FBXO45: variants seen among roughly 807,000 people sequenced by gnomAD.
FBXO45 encodes the protein F-box protein 45.
Under a neutral mutation model 25.5 loss-of-function variants are expected in FBXO45, and 3 were observed. That is an observed-to-expected ratio of 0.12 (90% CI 0.05 to 0.30). The LOEUF (loss-of-function observed/expected upper bound fraction) is 0.30. Among genes scored for constraint, FBXO45 ranks in the 10% least tolerant of loss-of-function variants. The pLI, the probability that FBXO45 is intolerant of heterozygous loss-of-function variation, is 1.00. For missense variants in FBXO45, 219 were observed against 365.0 expected (o/e 0.60, Z 3.26); for synonymous variants, 155 against 149.8 (o/e 1.03, Z -0.25).
At position 196,577,794 on chromosome 3, in the gene FBXO45, C is replaced by T. The variant is rs573601854; in HGVS notation, c.660C>T (p.Asn220=). ...EVNGSFPQCN[N]APKYQIGERI... Reference sequence around the variant, plus strand: ...ATGGCAGTTTTCCACAGTGCAACAACGCACCAAAATATCAGGTGAGAAACT... The same window carrying T: ...ATGGCAGTTTTCCACAGTGCAACAATGCACCAAAATATCAGGTGAGAAACT... Residue 220 remains asparagine (N), a synonymous_variant, in exon 2 of 3, where the codon AAC becomes AAT. Transcript: ENST00000311630. 167 of 1,582,316 alleles carry T rather than the reference C, an allele frequency of 1.1e-4. 2 individuals are homozygous for T. The South Asian group carries it at 1.6e-3, about 15-fold the overall frequency.
At chr3:196,581,501 C>T (rs924600436) in intron 2 of FBXO45, among the ~76,000 whole-genome samples, 4 of 151,994 alleles carry the variant, frequency 2.6e-5, no homozygotes, top group African/African-American at 9.7e-5. Context: ...AGTGAAAGTA[C>T]TGGGATTACA....
At position 196,569,192 on chromosome 3, in the gene FBXO45, C is replaced by A. The variant is rs367785550; in HGVS notation, c.208C>A (p.Leu70Met). 3 of 1,567,390 alleles carry A rather than the reference C, an allele frequency of 1.9e-6. No homozygotes were observed. Among genetic ancestry groups the A allele is most frequent in the Non-Finnish European group, 2.6e-6 (3 of 1,156,780 alleles). ...ALVCKHWYRC[L>M]HGDENSEVWR... ...GGTGTGCAAGCACTGGTACCGCTGC[C>A]TGCACGGCGATGAGAACAGCGAGGT... Residue 70 changes from leucine to methionine, a missense_variant, in exon 1 of 3, where the codon CTG becomes ATG. Around this residue, in one of 4 missense-constraint regions of FBXO45, gnomAD observed 138 missense variants for 157.3 expected, o/e 0.88. Coordinates refer to ENST00000311630, the MANE Select transcript of FBXO45 (RefSeq NM_001105573.2). This position sits in a 1 kb window ranked among gnomAD's most constrained non-coding sequence, Gnocchi z 4.1.
At chr3:196,582,480 C>T (rs1736029345) in intron 2 of FBXO45, among the ~76,000 whole-genome samples, 1 of 152,082 alleles carries the variant, frequency 6.6e-6, no homozygotes, top group Non-Finnish European at 1.5e-5. Context: ...ACAGGAAATA[C>T]AGTGAAGGAA....
chr3:196,583,881 C>T lies in FBXO45; in HGVS notation c.676-252C>T, dbSNP rs188040782. Among the ~76,000 whole-genome samples the T allele has an allele frequency of 5.3e-3, 801 of 152,260 alleles. 5 individuals are homozygous for T. The highest frequency in any genetic ancestry group is 0.018 in the African/African-American group (763 of 41,546). On this transcript the variant is annotated intron_variant, in intron 2 of 2. Transcript: ENST00000311630. Reference sequence around the variant, plus strand: ...ATGTTGCCCAGGCTGGTCTTGAACTCCTGGGCTCAAGCAATCCGCCCGCCT... The same window carrying T: ...ATGTTGCCCAGGCTGGTCTTGAACTTCTGGGCTCAAGCAATCCGCCCGCCT...
chr3:196,578,043 A>ATATTTTTTTTTTT (rs1553874562), intron 2 of FBXO45, among the ~76,000 whole-genome samples: 2 of 25,190 alleles, frequency 7.9e-5, no homozygotes, highest in Admixed American at 4.5e-4. Context: ...GCAGAAAAAT[A>ATATTTTTTTTTTT]TTCTTTTTTT....
chr3:196,576,318 A>G (rs184962742), intron 1 of FBXO45, among the ~76,000 whole-genome samples: 109 of 152,320 alleles, frequency 7.2e-4, no homozygotes, highest in South Asian at 4.6e-3. Flanking sequence ...TTCTCAGGTT[A>G]GCTGAAGCAT....
intron 2 of FBXO45, among the ~76,000 whole-genome samples, chr3:196,580,570 C>T (rs561203392): frequency 1.3e-5 from 2 of 152,288 alleles, no homozygotes; most frequent in South Asian, 2.1e-4. Flanking sequence ...AGTGATCCAC[C>T]TGCCTTGGCC....
intron 1 of FBXO45, among the ~76,000 whole-genome samples, chr3:196,571,448 ACTC>A (rs1189488361): frequency 2.0e-5 from 3 of 151,482 alleles, no homozygotes; most frequent in Admixed American, 6.6e-5. Flanking sequence ...CTGGTCTCAA[ACTC>A]CTGGACTCAA....
At chr3:196,570,041 C>T (rs1735767814) in intron 1 of FBXO45, among the ~76,000 whole-genome samples, 1 of 152,054 alleles carries the variant, frequency 6.6e-6, no homozygotes, top group African/African-American at 2.4e-5. Context: ...CATATTCCGC[C>T]CGCCTTCATA....
At chr3:196,575,457 CAAAA>C (rs1198432279) in intron 1 of FBXO45, among the ~76,000 whole-genome samples, 1 of 89,960 alleles carries the variant, frequency 1.1e-5, no homozygotes. Context: ...GACTCTGTCT[CAAAA>C]AAAAAAAAAA....
At chr3:196,576,121 G>A (rs1360193807) in intron 1 of FBXO45, among the ~76,000 whole-genome samples, 1 of 152,198 alleles carries the variant, frequency 6.6e-6, no homozygotes, top group Non-Finnish European at 1.5e-5. Context: ...TTTTAAATCT[G>A]CGCTCTGCAG....
rs1736069759 is a variant in FBXO45 at position 196,584,561 on chromosome 3, T to A, written c.*243T>A. On this transcript the variant is annotated 3_prime_UTR_variant, in exon 3 of 3. Coordinates refer to ENST00000311630, the MANE Select transcript of FBXO45 (RefSeq NM_001105573.2). This position sits in a 1 kb window ranked among gnomAD's most constrained non-coding sequence, Gnocchi z 4.3. ...GTTGACATATGCATGTTGCACCCGA[T>A]GTTGTCTCTAAGTTAGCAATGTGTT... The A allele has an allele frequency of 2.6e-6, 1 of 388,000 alleles. No individual in the cohort carries two copies. Among genetic ancestry groups the A allele is most frequent in the African/African-American group, 2.1e-5 (1 of 47,722 alleles). The allele number at this position is 388,000 out of a possible 1,614,324, so 24.0% of individuals were successfully genotyped here.
chr3:196,570,564 C>T (rs533211660), intron 1 of FBXO45, among the ~76,000 whole-genome samples: 3 of 152,012 alleles, frequency 2.0e-5, no homozygotes, highest in South Asian at 4.1e-4. Flanking sequence ...AGCTTGCCAA[C>T]AGGGGTCGGA....
Position 196,577,599 on chromosome 3 carries a change from T to C in FBXO45, c.465T>C (p.His155=). 1.2e-6 allele frequency: 2 copies of C among 1,613,994 alleles called. No homozygotes were observed. The highest frequency in any genetic ancestry group is 2.2e-5 in the East Asian group (1 of 44,886). Residue 155 remains histidine, a synonymous_variant, in exon 2 of 3, where the codon CAT becomes CAC. Transcript: ENST00000311630. ...AGATTGGTTTCAGTGAGGGCCGCCA[T>C]GCATGGGAAGTGTGGTGGGAGGGCC... ...RTKIGFSEGR[H]AWEVWWEGPL...
chr3:196,584,559 G>C lies in FBXO45; in HGVS notation c.*241G>C. ...CAGTTGACATATGCATGTTGCACCCGATGTTGTCTCTAAGTTAGCAATGTG... is the reference window on the plus strand; with the variant it reads ...CAGTTGACATATGCATGTTGCACCCCATGTTGTCTCTAAGTTAGCAATGTG... On this transcript the variant is annotated 3_prime_UTR_variant, in exon 3 of 3. Coordinates refer to ENST00000311630, the MANE Select transcript of FBXO45 (RefSeq NM_001105573.2). This position sits in a 1 kb window ranked among gnomAD's most constrained non-coding sequence, Gnocchi z 4.3. The C allele has an allele frequency of 2.6e-6, 1 of 390,832 alleles. No homozygotes were observed. Among genetic ancestry groups the C allele is most frequent in the Admixed American group, 4.5e-5 (1 of 22,318 alleles). The allele number at this position is 390,832 out of a possible 1,614,324, so 24.2% of individuals were successfully genotyped here.
rs1468688402 is a variant in FBXO45, at chr3:196,568,897, C to G, written c.-88C>G. On this transcript the variant is annotated 5_prime_UTR_variant, in exon 1 of 3. Transcript: ENST00000311630. ...TGACAGGGGCGGTGAGCGAGCCGCT[C>G]CGGTCTCCGGGCGAGGCTTGGCCTT... The G allele has an allele frequency of 1.1e-6, 1 of 942,172 alleles. No individual in the cohort carries two copies. The highest frequency in any genetic ancestry group is 1.3e-6 in the Non-Finnish European group (1 of 790,010). 58.4% of individuals were successfully genotyped at this position (942,172 alleles called of 1,614,324 possible).
chr3:196,580,831 G>C (rs1735997584), intron 2 of FBXO45, among the ~76,000 whole-genome samples: 1 of 151,858 alleles, frequency 6.6e-6, no homozygotes, highest in African/African-American at 2.4e-5. Context: ...GAGTGGTGCA[G>C]TGGTGCAGTG....
chr3:196,569,395 C>G lies in FBXO45; in HGVS notation c.318+93C>G, dbSNP rs761373230. The G allele has an allele frequency of 1.7e-5, 21 of 1,265,450 alleles. No homozygotes were observed. The highest frequency in any genetic ancestry group is 2.2e-5 in the Non-Finnish European group (21 of 934,984). 78.4% of individuals were successfully genotyped at this position (1,265,450 alleles called of 1,614,324 possible). ...ATCCGAGCTTCTGAGTCAGAAGCTT[C>G]GCCTCACCAGCCCGCCTTTCCACGG... On this transcript the variant is annotated intron_variant, in intron 1 of 2. Transcript: ENST00000311630. The surrounding 1 kb of genome is among the most constrained non-coding windows in gnomAD (Gnocchi z 4.1).
intron 1 of FBXO45, among the ~76,000 whole-genome samples, chr3:196,575,853 T>C (rs940143523): frequency 1.3e-5 from 2 of 152,070 alleles, no homozygotes; most frequent in Non-Finnish European, 2.9e-5. Context: ...ATTTTTTGTA[T>C]TTTTACTAGA....
Sources: allele counts gnomAD v4.1 joint callset (sites outside exome capture counted in the v4.1 genomes callset), GRCh38; gene constraint gnomAD v4.1.1; regional missense constraint gnomAD v4.1.1; non-coding constraint Gnocchi (gnomAD v3.1); transcripts MANE v1.5; gene names NCBI Gene and HGNC (gene_info 2026-07-23, HGNC 2026-07-21).